The following EED variants were observed in gnomAD, a reference collection of about 807,000 sequenced individuals.
EED encodes the protein polycomb protein EED.
EED carries 9 observed loss-of-function variants against 61.0 expected under a neutral mutation model. The observed-to-expected ratio is 0.15, with a 90% CI of 0.09 to 0.26. The LOEUF is 0.26. Among genes scored for constraint, EED ranks in the 10% least tolerant of loss-of-function variants. The pLI is 1.00. For missense variants in EED, 315 were observed against 542.3 expected (o/e 0.58, Z 4.16); for synonymous variants, 187 against 174.4 (o/e 1.07, Z -0.57).
At chr11:86,275,029 A>ATTGTTG (rs111379316) in intron 9 of EED, among the ~76,000 whole-genome samples, 1 of 151,462 alleles carries the variant, frequency 6.6e-6, no homozygotes. Context: ...GCAGGCTTTT[A>ATTGTTG]TTGTTGTTGT....
chr11:86,286,650 A>AT, the EED span, among the ~76,000 whole-genome samples: 11 of 151,916 alleles, frequency 7.2e-5, no homozygotes, highest in African/African-American at 2.2e-4. Flanking sequence ...TAGGTTTTAA[A>AT]TTTTTTTTAA....
intron 6 of EED, among the ~76,000 whole-genome samples, chr11:86,260,421 G>T (rs567263194): frequency 4.6e-5 from 7 of 152,002 alleles, no homozygotes; most frequent in Non-Finnish European, 1.0e-4. Flanking sequence ...TAGAGATACG[G>T]TTTCATTATG....
At chr11:86,257,031 G>A (rs539219977) in intron 5 of EED, among the ~76,000 whole-genome samples, 3 of 151,832 alleles carry the variant, frequency 2.0e-5, no homozygotes, top group Non-Finnish European at 4.4e-5. Context: ...GTGGAGTTTT[G>A]AGCATCTTTT....
At chr11:86,281,880 A>G (rs976407154), downstream of EED, among the ~76,000 whole-genome samples, 1 of 152,196 alleles carries the variant, frequency 6.6e-6, no homozygotes, top group Non-Finnish European at 1.5e-5. Flanking sequence ...ATTGTCCAGT[A>G]TATTTCTTAC....
intron 7 of EED, chr11:86,264,991 G>A (rs1945937985): frequency 6.6e-6 from 1 of 152,128 alleles, no homozygotes; most frequent in Non-Finnish European, 1.5e-5. Flanking sequence ...TTGAAGTTTG[G>A]ATTCCTTTGT....
chr11:86,271,673 C>T (rs1946114185), intron 9 of EED, among the ~76,000 whole-genome samples: 1 of 152,058 alleles, frequency 6.6e-6, no homozygotes, highest in Non-Finnish European at 1.5e-5. Flanking sequence ...TTTCCTGTTC[C>T]TAAATTTTTG....
chr11:86,255,336 C>T, intron 4 of EED, 49 bp downstream of exon 4: 1 of 1,424,186 alleles, frequency 7.0e-7, no homozygotes, highest in Non-Finnish European at 9.7e-7. Context: ...AATTTATTTT[C>T]AATAAGTGCA....
intron 1 of EED, among the ~76,000 whole-genome samples, chr11:86,248,955 G>A (rs1945459035): frequency 6.6e-6 from 1 of 152,080 alleles, no homozygotes; most frequent in Admixed American, 6.6e-5. Flanking sequence ...TGGAGGTTGC[G>A]TTGAACCAAG....
chr11:86,254,439 G>A (rs978381973), intron 3 of EED, among the ~76,000 whole-genome samples: 4 of 150,548 alleles, frequency 2.7e-5, no homozygotes, highest in Non-Finnish European at 5.9e-5. Flanking sequence ...TCCTGTCTCA[G>A]CCTCCTGAGT....
chr11:86,255,247 A>C lies in EED; in HGVS notation c.386A>C (p.Gln129Pro), dbSNP rs1945639459. ...NRVTLYECHS[Q>P]GEIRLLQSYV... is the part of the protein sequence containing the mutation. The stretch of plus-strand genomic sequence containing the variant: ...GTTACCTTGTATGAATGTCATTCAC[A>C]AGGAGAAATCCGGTTGTTGCAATCT... The change falls in exon 4 of 12, where the codon CAA becomes CCA. Residue 129 changes from glutamine (Q) to proline (P), a missense_variant. Physicochemically the swap from Gln to Pro is moderately conservative, Grantham distance 76. Coordinates refer to ENST00000263360, the MANE Select transcript of EED (RefSeq NM_003797.5). The C allele has an allele frequency of 6.2e-7, 1 of 1,610,520 alleles. No individual in the cohort carries two copies. Among genetic ancestry groups the C allele is most frequent in the African/African-American group, 1.3e-5 (1 of 74,904 alleles).
intron 7 of EED, 49 bp downstream of exon 7, chr11:86,264,312 A>C: frequency 7.4e-7 from 1 of 1,349,342 alleles, no homozygotes. Flanking sequence ...CATAGCTGTG[A>C]ACAGTCTCCA....
chr11:86,247,394 A>G (rs1945417605), intron 1 of EED, among the ~76,000 whole-genome samples: 1 of 152,250 alleles, frequency 6.6e-6, no homozygotes, highest in African/African-American at 2.4e-5. Context: ...TTCTAAAACA[A>G]ATTTTAGATG....
chr11:86,270,430 T>C (rs1387167475), intron 9 of EED, among the ~76,000 whole-genome samples: 2 of 150,870 alleles, frequency 1.3e-5, no homozygotes, highest in Admixed American at 6.6e-5. Flanking sequence ...ATCAGATACA[T>C]AGTTTGCAAA....
intron 6 of EED, among the ~76,000 whole-genome samples, chr11:86,262,130 C>T (rs1945847164): frequency 6.6e-6 from 1 of 152,156 alleles, no homozygotes. Flanking sequence ...GATCCTTCCA[C>T]CTCAGCCTTC....
At chr11:86,270,215 G>A (rs1430241951) in intron 9 of EED, 5 of 623,676 alleles carry the variant, frequency 8.0e-6, no homozygotes, top group Admixed American at 4.8e-5. Context: ...ATATCTCATC[G>A]TGGTCTTAAT....
rs760263408 is a variant in EED at position 86,270,146 on chromosome 11, C to T, written c.966+1585C>T. 6.0e-5 allele frequency: 42 copies of T among 700,724 alleles called. No homozygotes were observed. Among genetic ancestry groups the T allele is most frequent in the South Asian group, 1.0e-4 (7 of 67,326 alleles). The allele number at this position is 700,724 out of a possible 1,614,324, so 43.4% of individuals were successfully genotyped here. A position where few individuals can be genotyped will look rare whatever the true frequency, so the allele number is the denominator to read the frequency against. ...GAGAGATCCAGTGTCTCCGAATCTT[C>T]GCCAGCATTTGGTATTGTCATTATT... On this transcript the variant is annotated intron_variant, in intron 9 of 11. Transcript: ENST00000263360.
the EED span, among the ~76,000 whole-genome samples, chr11:86,286,711 G>A: frequency 1.8e-4 from 27 of 152,056 alleles, no homozygotes; most frequent in Non-Finnish European, 3.8e-4. Context: ...GGTGGCTCAG[G>A]CCTGTAATCC....
At chr11:86,246,856 A>T (rs1945403985) in intron 1 of EED, among the ~76,000 whole-genome samples, 1 of 152,204 alleles carries the variant, frequency 6.6e-6, no homozygotes, top group Non-Finnish European at 1.5e-5. Context: ...TTAGTTTCTT[A>T]AAAATGAGGA....
At chr11:86,253,479 A>G (rs1945587373) in intron 3 of EED, among the ~76,000 whole-genome samples, 1 of 152,180 alleles carries the variant, frequency 6.6e-6, no homozygotes, top group Admixed American at 6.5e-5. Flanking sequence ...AAGAATCCCT[A>G]TTTTTATTTA....
Sources: gnomAD v4.1 joint callset for allele counts (sites outside exome capture counted in the v4.1 genomes callset) on GRCh38, gnomAD v4.1.1 for gene constraint, MANE v1.5 for transcripts, NCBI Gene and HGNC (gene_info 2026-07-23, HGNC 2026-07-21) for gene names.